The following LLGL1 variants were observed in gnomAD, a reference collection of about 807,000 sequenced individuals.
The protein encoded by LLGL1 is lethal(2) giant larvae protein homolog 1.
Under a neutral mutation model 110.6 loss-of-function variants are expected in LLGL1, and 58 were observed. That is an observed-to-expected ratio of 0.52 (90% confidence interval 0.42 to 0.65). The LOEUF (loss-of-function observed/expected upper bound fraction) is 0.65, where lower values mean the gene tolerates loss of function less well. Among genes scored for constraint, LLGL1 ranks in the 30% least tolerant of loss-of-function variants. The probability of loss-of-function intolerance (pLI) is 0.00; values close to 1 mark genes in which losing one functional copy is unlikely to be tolerated. For synonymous variants in LLGL1, 674 were observed against 607.2 expected (o/e 1.11, Z -1.62); for missense variants, 1,229 against 1,462.1 (o/e 0.84, Z 2.60).
Position 18,244,479 on chromosome 17 carries a change from G to C in LLGL1, c.*573G>C, listed in dbSNP as rs916043014. The C allele has an allele frequency of 2.0e-5, 3 of 151,880 alleles. No homozygotes were observed. Among genetic ancestry groups the C allele is most frequent in the African/African-American group, 7.3e-5 (3 of 41,308 alleles). The allele number at this position is 151,880 out of a possible 1,614,324, so 9.4% of individuals were successfully genotyped here. On this transcript the variant is annotated 3_prime_UTR_variant, in exon 23 of 23. Transcript: ENST00000316843. Reference sequence around the variant, plus strand: ...AGGATGGTCTCGATCTCCTGACCTCGTGATCCACCCACCTCAGCCTCCCAA... The same window carrying C: ...AGGATGGTCTCGATCTCCTGACCTCCTGATCCACCCACCTCAGCCTCCCAA...
Position 18,236,616 on chromosome 17 carries a change from C to T in LLGL1, c.1362C>T (p.Asp454=), listed in dbSNP as rs201607761. ...QRGLLLTGHE[D]GTVRFWDASG... ...TCTGCCCTCCCTGCAGCCATGAGGA[C>T]GGCACCGTGAGGTTCTGGGATGCCT... Residue 454 remains aspartate (D), a synonymous_variant, in exon 12 of 23, where the codon GAC becomes GAT. Coordinates refer to ENST00000316843, the MANE Select transcript of LLGL1 (RefSeq NM_004140.4). 1.8e-5 allele frequency: 29 copies of T among 1,611,310 alleles called. No individual in the cohort carries two copies. Among genetic ancestry groups the T allele is most frequent in the East Asian group, 1.8e-4 (8 of 44,818 alleles).
intron 1 of LLGL1, among the ~76,000 whole-genome samples, chr17:18,228,880 A>G (rs1233333523): frequency 6.6e-6 from 1 of 151,964 alleles, no homozygotes; most frequent in Non-Finnish European, 1.5e-5. Flanking sequence ...GCCCAAGGCC[A>G]GACAGCTAGG....
chr17:18,225,804 C>CGGGACGGGGG (rs1329141475), intron 1 of LLGL1, 41 bp downstream of exon 1: 1 of 160,374 alleles, frequency 6.2e-6, no homozygotes, highest in Non-Finnish European at 1.1e-5. Context: ...CGGGAGGGGG[C>CGGGACGGGGG]GGGACGGGGG....
In LLGL1 at chr17:18,242,758, AGAG is replaced by A. The variant is rs1233927752; in HGVS notation, c.3133_3135del (p.Glu1045del). 2.5e-6 allele frequency: 4 copies of A among 1,569,666 alleles called. No homozygotes were observed. The highest frequency in any genetic ancestry group is 2.6e-6 in the Non-Finnish European group (3 of 1,156,752). ...CATCTCGCAGCTCCTCTGAGGAGTC[AGAG>A]AAGAACCTGAGGAACCTGGCAGAAG... is the stretch of plus-strand genomic sequence containing the variant. On this transcript the variant is annotated inframe_deletion, in exon 22 of 23. Transcript: ENST00000316843.
In LLGL1 at chr17:18,237,194, T is replaced by C. The variant is rs2047712599; in HGVS notation, c.1611+255T>C. ...CACATGACATACAGGAGGTGCTCAATGTGTCCTTATTGCTAAATGGGAGAT... is the reference window on the plus strand; with the variant it reads ...CACATGACATACAGGAGGTGCTCAACGTGTCCTTATTGCTAAATGGGAGAT... On this transcript the variant is annotated intron_variant, in intron 13 of 22. Transcript: ENST00000316843. The C allele has an allele frequency of 1.0e-5, 6 of 595,620 alleles. No individual in the cohort carries two copies. In the East Asian group the frequency reaches 1.7e-4, roughly 17 times the overall value. The allele number at this position is 595,620 out of a possible 1,614,324, so 36.9% of individuals were successfully genotyped here. A position where few individuals can be genotyped will look rare whatever the true frequency, so the allele number is the denominator to read the frequency against.
intron 2 of LLGL1, among the ~76,000 whole-genome samples, chr17:18,230,425 C>T (rs1027330112): frequency 2.6e-5 from 4 of 152,148 alleles, no homozygotes; most frequent in African/African-American, 4.8e-5. Flanking sequence ...AGCTGATGCA[C>T]ACATGTGTGA....
At position 18,244,599 on chromosome 17, in the gene LLGL1, A is replaced by AT. The variant is rs2047941598; in HGVS notation, c.*697dup. ...GGACAGTTGTTTCTAAAACTAAACT[A>AT]TTTTGGTACCTGCTTCTGGGCCAGT... On this transcript the variant is annotated 3_prime_UTR_variant, in exon 23 of 23. Coordinates refer to ENST00000316843, the MANE Select transcript of LLGL1 (RefSeq NM_004140.4). 1.3e-5 allele frequency: 2 copies of AT among 151,746 alleles called. No individual in the cohort carries two copies. Among genetic ancestry groups the AT allele is most frequent in the African/African-American group, 4.8e-5 (2 of 41,240 alleles). The allele number at this position is 151,746 out of a possible 1,614,324, so 9.4% of individuals were successfully genotyped here.
At chr17:18,229,718 C>G (rs761094559) in intron 1 of LLGL1, among the ~76,000 whole-genome samples, 1 of 152,156 alleles carries the variant, frequency 6.6e-6, no homozygotes, top group Non-Finnish European at 1.5e-5. Context: ...GCACGCGGTA[C>G]AGTCATGGTG....
intron 22 of LLGL1, among the ~76,000 whole-genome samples, chr17:18,243,656 C>T (rs1258187042): frequency 6.6e-6 from 1 of 152,248 alleles, no homozygotes; most frequent in Non-Finnish European, 1.5e-5. Context: ...TAGCCTCACC[C>T]TGCACAGGAC....
intron 1 of LLGL1, 69 bp from the exon 2 acceptor site, chr17:18,229,870 TGG>T: frequency 9.6e-7 from 1 of 1,042,810 alleles, no homozygotes. Flanking sequence ...TGCCTTGGGG[TGG>T]GCCTCAGGGT....
chr17:18,225,678 G>A lies in LLGL1; in HGVS notation c.-5G>A. ...GCGGGCGAGGCGCCTGCAGCCGGGC[G>A]CAAGATGATGAAGTTTCGGTTCCGG... On this transcript the variant is annotated 5_prime_UTR_variant, in exon 1 of 23. Transcript: ENST00000316843. The A allele has an allele frequency of 9.8e-7, 1 of 1,016,698 alleles. No homozygotes were observed. The highest frequency in any genetic ancestry group is 1.2e-6 in the Non-Finnish European group (1 of 845,616). 63.0% of individuals were successfully genotyped at this position (1,016,698 alleles called of 1,614,324 possible).
chr17:18,238,855 A>G (rs2047757178), intron 16 of LLGL1, among the ~76,000 whole-genome samples: 3 of 152,188 alleles, frequency 2.0e-5, no homozygotes, highest in Non-Finnish European at 2.9e-5. Flanking sequence ...TACTAAAAAT[A>G]CAAAAATTAG....
rs757232172 is a variant in LLGL1, at chr17:18,240,582, C to T, written c.2211C>T (p.Ala737=). ...CTACGCGCTTGTTTTCTGCAGGGGC[C>T]CACCACGGGCCCACCATGTGGGCTG... ...YFADTFLRDG[A]HHGPTMWAGT... The change falls in exon 17 of 23, where the codon GCC becomes GCT. Residue 737 remains alanine, a synonymous_variant. Transcript: ENST00000316843. This position sits in a 1 kb window ranked among gnomAD's most constrained non-coding sequence, Gnocchi z 5.3. The T allele has an allele frequency of 1.1e-5, 17 of 1,591,328 alleles. No individual in the cohort carries two copies. The highest frequency in any genetic ancestry group is 1.5e-5 in the Non-Finnish European group (17 of 1,165,266).
chr17:18,236,340 AC>A (rs1213148541), intron 11 of LLGL1: 1 of 472,852 alleles, frequency 2.1e-6, no homozygotes, highest in African/African-American at 2.0e-5. Flanking sequence ...CCCCTTTGCC[AC>A]CTCCTGTTAA....
At position 18,242,260 on chromosome 17, in the gene LLGL1, G is replaced by T. The variant is rs1326400002; in HGVS notation, c.2977G>T (p.Ala993Ser). 13 of 1,613,866 alleles carry T rather than the reference G, an allele frequency of 8.1e-6. No homozygotes were observed. The South Asian group carries it at 1.2e-4, about 15-fold the overall frequency. Residue 993 changes from alanine to serine, a missense_variant, in exon 20 of 23, where the codon GCC becomes TCC. Ala to Ser is a moderately conservative substitution (Grantham distance 99, BLOSUM62 1). Coordinates refer to ENST00000316843, the MANE Select transcript of LLGL1 (RefSeq NM_004140.4). The stretch of plus-strand genomic sequence containing the variant: ...GAGCCTTGATGGAAGCCCTGATCCA[G>T]CCCACAGCATGGGACCTGGTGAGGG... ...PQSLDGSPDP[A>S]HSMGPDTPEP...
rs767102096 is a variant in LLGL1, at chr17:18,241,723, G to A, written c.2767+8G>A. ...TTACGCGCCATGGCCAGGGTGAGGC[G>A]GGGCAGAGGCCGAGGAGGCCTTCCT... is the stretch of plus-strand genomic sequence containing the variant. On this transcript the variant is annotated splice_region_variant and intron_variant, in intron 18 of 22. Coordinates refer to ENST00000316843, the MANE Select transcript of LLGL1 (RefSeq NM_004140.4). 8 of 1,611,524 alleles carry A rather than the reference G, an allele frequency of 5.0e-6. No individual in the cohort carries two copies. Among genetic ancestry groups the A allele is most frequent in the Non-Finnish European group, 4.2e-6 (5 of 1,178,828 alleles).
Position 18,241,642 on chromosome 17 carries a change from G to T in LLGL1, c.2694G>T (p.Gln898His). ...TCTCGGTGCCTGGCCTGCGGCCCCA[G>T]GTGCACTATTCCTGCATCCGGAAGG... ...HVFSVPGLRP[Q>H]VHYSCIRKED... Residue 898 changes from glutamine (Q) to histidine (H), a missense_variant, in exon 18 of 23, where the codon CAG becomes CAT. By Grantham distance (24) the Gln-to-His change is conservative (BLOSUM62 0). Coordinates refer to ENST00000316843, the MANE Select transcript of LLGL1 (RefSeq NM_004140.4). The T allele has an allele frequency of 6.2e-7, 1 of 1,613,706 alleles. No homozygotes were observed.
rs1366790528 is a variant in LLGL1, at chr17:18,244,615, CT to C, written c.*710del. ...AACTAAACTATTTTGGTACCTGCTT[CT>C]GGGCCAGTCCCCAGCCTGTCATGAG... On this transcript the variant is annotated 3_prime_UTR_variant, in exon 23 of 23. Transcript: ENST00000316843. 1 of 152,810 alleles carries C rather than the reference CT, an allele frequency of 6.5e-6. No individual in the cohort carries two copies. Among genetic ancestry groups the C allele is most frequent in the African/African-American group, 2.4e-5 (1 of 41,080 alleles). The allele number at this position is 152,810 out of a possible 1,614,324, so 9.5% of individuals were successfully genotyped here.
intron 1 of LLGL1, among the ~76,000 whole-genome samples, chr17:18,226,650 C>T (rs2047450531): frequency 1.3e-5 from 2 of 152,254 alleles, no homozygotes; most frequent in Admixed American, 6.5e-5. Flanking sequence ...GCTCCCTCTG[C>T]CACATGGGCC....
Sources: gnomAD v4.1 joint callset for allele counts (sites outside exome capture counted in the v4.1 genomes callset) on GRCh38, gnomAD v4.1.1 for gene constraint, Gnocchi (gnomAD v3.1) non-coding constraint, MANE v1.5 for transcripts, NCBI Gene and HGNC (gene_info 2026-07-23, HGNC 2026-07-21) for gene names.